Variants in PCDHGA6 observed in about 807,000 individuals in gnomAD.
PCDHGA6 encodes the protein protocadherin gamma-A6.
Under a neutral mutation model 60.6 loss-of-function variants are expected in PCDHGA6, and 41 were observed. The observed-to-expected ratio is 0.68, with a 90% confidence interval of 0.53 to 0.88. PCDHGA6 has a LOEUF of 0.88. Ranked by LOEUF, PCDHGA6 falls within the 40% of genes least tolerant of loss-of-function variation. The pLI, the probability that PCDHGA6 is intolerant of heterozygous loss-of-function variation, is 0.00. For missense variants in PCDHGA6, 1,312 were observed against 1,203.0 expected (o/e 1.09, Z -1.34); for synonymous variants, 594 against 524.4 (o/e 1.13, Z -1.81).
chr5:141,374,871 CA>C lies in PCDHGA6; in HGVS notation c.789del (p.Val264Ter). 6.2e-7 allele frequency: 1 copy of C among 1,613,662 alleles called. No individual in the cohort carries two copies. Among genetic ancestry groups the C allele is most frequent in the South Asian group, 1.1e-5 (1 of 91,088 alleles). The stretch of plus-strand genomic sequence containing the variant: ...CTGCCAGTAGGCACACCAGTGTTGG[CA>C]GTGACTGCCACCGACCAGGATGAAG... ...ENLPVGTPVL[A>X]VTATDQDEGV... is the part of the protein sequence containing the mutation. On this transcript the variant is annotated frameshift_variant, in exon 1 of 4. Coordinates refer to ENST00000517434, the MANE Select transcript of PCDHGA6 (RefSeq NM_018919.3). LOFTEE classifies it high-confidence loss of function.
chr5:141,419,275 G>A, intron 1 of PCDHGA6: 26 of 1,613,974 alleles, frequency 1.6e-5, no homozygotes, highest in Non-Finnish European at 2.2e-5. Flanking sequence ...CCTCCATAGC[G>A]CAAGTCAGTG....
chr5:141,394,524 G>T lies in PCDHGA6; in HGVS notation c.2424+18017G>T, dbSNP rs977174958. 13 of 1,614,214 alleles carry T rather than the reference G, an allele frequency of 8.1e-6. No homozygotes were observed. ...CCTGTACCCCGCCCTCCCCACAGAC[G>T]GTTCCACTGGCGTGGAGCTGGCGCC... On this transcript the variant is annotated intron_variant, in intron 1 of 3. Coordinates refer to ENST00000517434, the MANE Select transcript of PCDHGA6 (RefSeq NM_018919.3).
rs766050828 is a variant in PCDHGA6, at chr5:141,394,215, G to A, written c.2424+17708G>A. The A allele has an allele frequency of 1.9e-6, 3 of 1,613,902 alleles. No individual in the cohort carries two copies. The South Asian group carries it at 3.3e-5, about 18-fold the overall frequency. ...GTATATCCTAGAGAACAACCTGAGA[G>A]GAGCCTCCATCTTTTCCTTGACTGC... is the stretch of plus-strand genomic sequence containing the variant. On this transcript the variant is annotated intron_variant, in intron 1 of 3. Transcript: ENST00000517434.
chr5:141,432,700 G>A lies in PCDHGA6; in HGVS notation c.2424+56193G>A. On this transcript the variant is annotated intron_variant, in intron 1 of 3. Transcript: ENST00000517434. The surrounding 1 kb of genome is among the most constrained non-coding windows in gnomAD (Gnocchi z 6.0). ...AGCAGAGCCTCGTAGTGGCCGTCCAGGACCACGGCCAGCCCCCTCTCTCCG... is the reference window on the plus strand; with the variant it reads ...AGCAGAGCCTCGTAGTGGCCGTCCAAGACCACGGCCAGCCCCCTCTCTCCG... The A allele has an allele frequency of 6.2e-7, 1 of 1,613,980 alleles. No individual in the cohort carries two copies. The highest frequency in any genetic ancestry group is 8.5e-7 in the Non-Finnish European group (1 of 1,179,978).
intron 1 of PCDHGA6, among the ~76,000 whole-genome samples, chr5:141,473,965 A>C (rs925515548): frequency 1.1e-4 from 16 of 152,206 alleles, no homozygotes; most frequent in African/African-American, 3.9e-4. Flanking sequence ...TCTACTTAGA[A>C]GTCTGAGGCG....
At chr5:141,439,151 C>T (rs563575567) in intron 1 of PCDHGA6, among the ~76,000 whole-genome samples, 1 of 150,892 alleles carries the variant, frequency 6.6e-6, no homozygotes, top group Admixed American at 6.6e-5. Context: ...TGAGATCACG[C>T]CACTGCACTC....
chr5:141,389,321 G>T (rs570682726), intron 1 of PCDHGA6: 1 of 1,613,982 alleles, frequency 6.2e-7, no homozygotes. Context: ...ATCCGGACTT[G>T]GGGCCCAACG....
chr5:141,383,876 G>T (rs747987128), intron 1 of PCDHGA6: 1 of 1,613,978 alleles, frequency 6.2e-7, no homozygotes, highest in South Asian at 1.1e-5. Flanking sequence ...GATGGTCCTG[G>T]TAGTCTGACA....
At chr5:141,478,133 G>T (rs769287158) in intron 1 of PCDHGA6, 1 of 1,614,060 alleles carries the variant, frequency 6.2e-7, no homozygotes, top group Non-Finnish European at 8.5e-7. Flanking sequence ...CTCTCCTGAA[G>T]CCCGAGCCGA....
At position 141,432,232 on chromosome 5, in the gene PCDHGA6, G is replaced by A. The variant is rs766929605; in HGVS notation, c.2424+55725G>A. Reference sequence around the variant, plus strand: ...AGAACGCCCAGATCACTTATTCCCTGGCTGAGAACACCATCCAAGGGGCAA... The same window carrying A: ...AGAACGCCCAGATCACTTATTCCCTAGCTGAGAACACCATCCAAGGGGCAA... On this transcript the variant is annotated intron_variant, in intron 1 of 3. Coordinates refer to ENST00000517434, the MANE Select transcript of PCDHGA6 (RefSeq NM_018919.3). The surrounding 1 kb of genome is among the most constrained non-coding windows in gnomAD (Gnocchi z 6.0). The A allele has an allele frequency of 6.2e-7, 1 of 1,614,188 alleles. No homozygotes were observed. The highest frequency in any genetic ancestry group is 1.6e-4 in the Middle Eastern group (1 of 6,062).
chr5:141,375,944 C>G lies in PCDHGA6; in HGVS notation c.1861C>G (p.Leu621Val), dbSNP rs1365248346. 6 of 1,613,500 alleles carry G rather than the reference C, an allele frequency of 3.7e-6. No homozygotes were observed. The highest frequency in any genetic ancestry group is 5.1e-6 in the Non-Finnish European group (6 of 1,179,972). ...ASEPGLFSVG[L>V]HTGEVRTARA... Reference sequence around the variant, plus strand: ...CGAGCCAGGACTTTTCTCAGTGGGCCTGCACACGGGCGAGGTGCGCACGGC... The same window carrying G: ...CGAGCCAGGACTTTTCTCAGTGGGCGTGCACACGGGCGAGGTGCGCACGGC... Residue 621 changes from leucine to valine, a missense_variant, in exon 1 of 4, where the codon CTG (leucine) becomes GTG (valine). Coordinates refer to ENST00000517434, the MANE Select transcript of PCDHGA6 (RefSeq NM_018919.3).
chr5:141,433,208 CTTTT>C (rs745329085), intron 1 of PCDHGA6: 3 of 1,293,778 alleles, frequency 2.3e-6, no homozygotes, highest in African/African-American at 1.5e-5. Flanking sequence ...AATCTTCTTT[CTTTT>C]TTTTTTTTAA....
chr5:141,495,547 C>G (rs2099762038), intron 2 of PCDHGA6, among the ~76,000 whole-genome samples: 1 of 152,228 alleles, frequency 6.6e-6, no homozygotes, highest in South Asian at 2.1e-4. Flanking sequence ...CAGTCTCTAT[C>G]TCGCTTTGCA....
intron 1 of PCDHGA6, chr5:141,395,523 C>A: frequency 7.5e-6 from 3 of 400,150 alleles, no homozygotes; most frequent in Non-Finnish European, 1.3e-5. Flanking sequence ...CCCGTCCATA[C>A]TGGTAATTTT....
chr5:141,489,124 A>C lies in PCDHGA6; in HGVS notation c.2425-5683A>C. The C allele has an allele frequency of 3.6e-6, 2 of 556,652 alleles. No individual in the cohort carries two copies. Among genetic ancestry groups the C allele is most frequent in the South Asian group, 3.3e-5 (1 of 30,014 alleles). The allele number at this position is 556,652 out of a possible 1,614,324, so 34.5% of individuals were successfully genotyped here. On this transcript the variant is annotated intron_variant, in intron 1 of 3. Transcript: ENST00000517434. The surrounding 1 kb of genome is among the most constrained non-coding windows in gnomAD (Gnocchi z 4.5). ...GCTGCAAGCAGGCAAACCTCCGAGC[A>C]GTTTTTAAGAGGCTGGAAGGAGACA...
intron 1 of PCDHGA6, chr5:141,399,616 C>G (rs777443975): frequency 6.2e-7 from 1 of 1,613,962 alleles, no homozygotes. Flanking sequence ...GCCTCTGGCA[C>G]TGGCCTCTTA....
intron 1 of PCDHGA6, chr5:141,382,944 G>A (rs375823415): frequency 6.3e-7 from 1 of 1,596,888 alleles, no homozygotes; most frequent in Non-Finnish European, 8.6e-7. Flanking sequence ...GATTCTTCCT[G>A]CTCTCCATCC....
In PCDHGA6 at chr5:141,511,599, C is replaced by G; in HGVS notation, c.*426C>G. 4.0e-6 allele frequency: 1 copy of G among 252,540 alleles called. No homozygotes were observed. Among genetic ancestry groups the G allele is most frequent in the South Asian group, 5.2e-5 (1 of 19,398 alleles). 15.6% of individuals were successfully genotyped at this position (252,540 alleles called of 1,614,324 possible). ...GTTGGGGTGTTGAAGTACCAAGTAA[C>G]CTACAAGCCTCCTAGTTCTGAAAAG... On this transcript the variant is annotated 3_prime_UTR_variant, in exon 4 of 4. Coordinates refer to ENST00000517434, the MANE Select transcript of PCDHGA6 (RefSeq NM_018919.3).
chr5:141,482,350 G>A lies in PCDHGA6; in HGVS notation c.2425-12457G>A, dbSNP rs184055854. ...AGAATATCTACTTTGCAAACTTGTT[G>A]TGAGAGTGAAAAGTAATGCATATAA... On this transcript the variant is annotated intron_variant, in intron 1 of 3. Coordinates refer to ENST00000517434, the MANE Select transcript of PCDHGA6 (RefSeq NM_018919.3). Among the ~76,000 whole-genome samples the A allele has an allele frequency of 5.3e-5, 8 of 152,200 alleles. No individual in the cohort carries two copies. In the East Asian group the frequency reaches 1.4e-3, roughly 26 times the overall value.
Sources: allele counts gnomAD v4.1 joint callset (sites outside exome capture counted in the v4.1 genomes callset), GRCh38; gene constraint gnomAD v4.1.1; non-coding constraint Gnocchi (gnomAD v3.1); transcripts MANE v1.5; gene names NCBI Gene and HGNC (gene_info 2026-07-23, HGNC 2026-07-21).